Variants in VIPR2 observed in about 807,000 individuals in gnomAD.
VIPR2 encodes the protein vasoactive intestinal polypeptide receptor 2.
Under a neutral mutation model 58.0 loss-of-function variants are expected in VIPR2, and 48 were observed. That is an observed-to-expected ratio of 0.83 (90% CI 0.66 to 1.05). The LOEUF (loss-of-function observed/expected upper bound fraction) is 1.05. VIPR2 is among the 50% of genes least tolerant of loss of function. The pLI is 0.00. For missense variants in VIPR2, 534 were observed against 558.0 expected (o/e 0.96, Z 0.43); for synonymous variants, 243 against 235.2 (o/e 1.03, Z -0.30).
chr7:159,039,780 C>A (rs1255803450), intron 6 of VIPR2, among the ~76,000 whole-genome samples: 1 of 152,248 alleles, frequency 6.6e-6, no homozygotes, highest in Non-Finnish European at 1.5e-5. Context: ...GAGACACCCT[C>A]TGACCTGGCA....
chr7:159,043,383 TGA>T (rs56294245), intron 5 of VIPR2, among the ~76,000 whole-genome samples: 15,825 of 152,208 alleles, frequency 0.1, 995 homozygotes, highest in East Asian at 0.19. Context: ...AGAATTTTTT[TGA>T]GATAATAAAG....
In VIPR2 at chr7:159,047,133, G is replaced by T. The variant is rs112407863; in HGVS notation, c.456-3957C>A. On this transcript the variant is annotated intron_variant, in intron 5 of 12. Coordinates refer to ENST00000262178, the MANE Select transcript of VIPR2 (RefSeq NM_003382.5). ...GCCTGTAATCCCAGCTACTCAGGAG[G>T]CTGAGGCAGGAGAATCGCTTGAACC... Among the ~76,000 whole-genome samples, 796 of 152,294 alleles carry T rather than the reference G, an allele frequency of 5.2e-3. 11 individuals are homozygous for T. Among genetic ancestry groups the T allele is most frequent in the African/African-American group, 0.018 (764 of 41,560 alleles).
At chr7:159,061,195 G>A (rs569380039) in intron 4 of VIPR2, among the ~76,000 whole-genome samples, 4 of 152,270 alleles carry the variant, frequency 2.6e-5, no homozygotes, top group Admixed American at 6.5e-5. Context: ...GAGGAGAAAT[G>A]GAGGGAGAAA....
In VIPR2 at chr7:159,031,978, T is replaced by C; in HGVS notation, c.1061A>G (p.Lys354Arg). 6.8e-6 allele frequency: 11 copies of C among 1,614,038 alleles called. No homozygotes were observed. The highest frequency in any genetic ancestry group is 9.3e-6 in the Non-Finnish European group (11 of 1,180,008). The change falls in exon 11 of 13, where the codon AAA becomes AGA. Residue 354 changes from lysine (K) to arginine (R), a missense_variant. This residue lies in a region of VIPR2 where 306 missense variants were observed against 285.8 expected (regional missense o/e 1.07). Coordinates refer to ENST00000262178, the MANE Select transcript of VIPR2 (RefSeq NM_003382.5). The surrounding 1 kb of genome is among the most constrained non-coding windows in gnomAD (Gnocchi z 4.0). ...FAVFPISISS[K>R]YQILFELCLG... ...GCACAGCTCAAACAGTATCTGGTAT[T>C]TGGAGGAGATGCTGATGGGAAACAC...
chr7:159,141,869 G>A (rs998059541), intron 2 of VIPR2, among the ~76,000 whole-genome samples: 2 of 152,200 alleles, frequency 1.3e-5, no homozygotes, highest in Non-Finnish European at 2.9e-5. Context: ...TTTATAGGCC[G>A]GGTGCTATCC....
At chr7:159,060,032 C>A (rs557085970) in intron 4 of VIPR2, among the ~76,000 whole-genome samples, 1 of 150,622 alleles carries the variant, frequency 6.6e-6, no homozygotes, top group Non-Finnish European at 1.5e-5. Context: ...CCAACCCATC[C>A]TCACTTCACT....
rs1035377560 is a variant in VIPR2 at position 159,032,025 on chromosome 7, G to C, written c.1014C>G (p.Gly338=). The C allele has an allele frequency of 5.6e-6, 9 of 1,614,124 alleles. No homozygotes were observed. The highest frequency in any genetic ancestry group is 1.7e-5 in the Admixed American group (1 of 60,028). ...ACACGGCAAACACCATGTAGTGGAC[G>C]CCGAACAGCGGGATAAGCAGGAGCG... ...KSTLLLIPLF[G]VHYMVFAVFP... Residue 338 remains glycine, a synonymous_variant, in exon 11 of 13, where the codon GGC becomes GGG. Coordinates refer to ENST00000262178, the MANE Select transcript of VIPR2 (RefSeq NM_003382.5).
chr7:159,044,858 C>T (rs901779439), intron 5 of VIPR2, among the ~76,000 whole-genome samples: 1 of 152,076 alleles, frequency 6.6e-6, no homozygotes, highest in Non-Finnish European at 1.5e-5. Context: ...TTCTGCCTCC[C>T]TGATTCAAGT....
At chr7:159,075,797 T>C (rs1375240188) in intron 4 of VIPR2, among the ~76,000 whole-genome samples, 1 of 138,936 alleles carries the variant, frequency 7.2e-6, no homozygotes, top group Non-Finnish European at 1.5e-5. Flanking sequence ...CATCAGTGAG[T>C]AGCCCAGGGC....
At position 159,098,259 on chromosome 7, in the gene VIPR2, G is replaced by A. The variant is rs1166304095; in HGVS notation, c.357+5498C>T. Among the ~76,000 whole-genome samples, 1 of 152,144 alleles carries A rather than the reference G, an allele frequency of 6.6e-6. No individual in the cohort carries two copies. Among genetic ancestry groups the A allele is most frequent in the Admixed American group, 6.5e-5 (1 of 15,274 alleles). On this transcript the variant is annotated intron_variant, in intron 4 of 12. Coordinates refer to ENST00000262178, the MANE Select transcript of VIPR2 (RefSeq NM_003382.5). The surrounding 1 kb of genome is among the most constrained non-coding windows in gnomAD (Gnocchi z 5.2). ...ACGGCTCGGGGAGCCTCCCACACTT[G>A]GTGATCCCGAGCCCTCAGTCTGCTG...
chr7:159,062,029 C>G (rs1476372092), intron 4 of VIPR2, among the ~76,000 whole-genome samples: 1 of 152,216 alleles, frequency 6.6e-6, no homozygotes, highest in East Asian at 1.9e-4. Context: ...GGAGCCCCAT[C>G]CCGAGGGCCC....
At chr7:159,049,016 C>T (rs1274000461) in intron 5 of VIPR2, among the ~76,000 whole-genome samples, 1 of 152,136 alleles carries the variant, frequency 6.6e-6, no homozygotes, top group African/African-American at 2.4e-5. Context: ...TATCAACATG[C>T]CACCCCCATT....
chr7:159,087,979 C>T (rs995309505), intron 4 of VIPR2, among the ~76,000 whole-genome samples: 2 of 152,260 alleles, frequency 1.3e-5, no homozygotes, highest in South Asian at 4.1e-4. Flanking sequence ...CACTCCCTAT[C>T]CTCTCCCTGC....
chr7:159,116,670 G>A (rs1449327071), intron 2 of VIPR2, among the ~76,000 whole-genome samples: 2 of 152,158 alleles, frequency 1.3e-5, no homozygotes, highest in Non-Finnish European at 2.9e-5. Flanking sequence ...CATTTTCAAC[G>A]GAATACACAG....
At position 159,142,625 on chromosome 7, in the gene VIPR2, A is replaced by T. The variant is rs565159997; in HGVS notation, c.52-80T>A. On this transcript the variant is annotated intron_variant, in intron 1 of 12. Coordinates refer to ENST00000262178, the MANE Select transcript of VIPR2 (RefSeq NM_003382.5). ...AGCAAGCAAAAATTCTACAAAAACA[A>T]CCCCAAACCTCACAGCTTTAAACTG... The T allele has an allele frequency of 3.8e-6, 4 of 1,047,934 alleles. No homozygotes were observed. In the African/African-American group the frequency reaches 6.4e-5, roughly 17 times the overall value. 64.9% of individuals were successfully genotyped at this position (1,047,934 alleles called of 1,614,324 possible).
intron 4 of VIPR2, among the ~76,000 whole-genome samples, chr7:159,069,322 C>T (rs1856260977): frequency 6.6e-6 from 1 of 152,174 alleles, no homozygotes. Flanking sequence ...CCCTGCCAGT[C>T]CCTGCTTTCT....
At chr7:159,047,549 CTGAATTTAT>C in intron 5 of VIPR2, among the ~76,000 whole-genome samples, 1 of 152,148 alleles carries the variant, frequency 6.6e-6, no homozygotes, top group South Asian at 2.1e-4. Context: ...GGTCAAAACC[CTGAATTTAT>C]TGCAATTCAT....
intron 2 of VIPR2, among the ~76,000 whole-genome samples, chr7:159,130,464 G>T (rs200470231): frequency 0.079 from 12,065 of 152,174 alleles, 518 homozygotes; most frequent in Middle Eastern, 0.13. Flanking sequence ...TCTTTTCAGG[G>T]TTCTGCATGT....
chr7:159,073,754 C>T (rs1000056135), intron 4 of VIPR2, among the ~76,000 whole-genome samples: 1 of 152,136 alleles, frequency 6.6e-6, no homozygotes, highest in African/African-American at 2.4e-5. Flanking sequence ...TCTTAGGTCT[C>T]ATTAGAACAA....
Sources: allele counts gnomAD v4.1 joint callset (sites outside exome capture counted in the v4.1 genomes callset), GRCh38; gene constraint gnomAD v4.1.1; regional missense constraint gnomAD v4.1.1; non-coding constraint Gnocchi (gnomAD v3.1); transcripts MANE v1.5; gene names NCBI Gene and HGNC (gene_info 2026-07-23, HGNC 2026-07-21).